Variants in HNRNPUL1 observed in about 807,000 individuals in gnomAD.
The protein encoded by HNRNPUL1 is heterogeneous nuclear ribonucleoprotein U like 1, also known as heterogeneous nuclear ribonucleoprotein U-like protein 1.
A neutral mutation model predicts 108.5 loss-of-function variants in HNRNPUL1; 14 were observed. That is an observed-to-expected ratio of 0.13 (90% CI 0.09 to 0.20). The LOEUF is 0.20. Among genes scored for constraint, HNRNPUL1 ranks in the 10% least tolerant of loss-of-function variants. HNRNPUL1 has a pLI of 1.00. For missense variants in HNRNPUL1, 804 were observed against 1,168.3 expected (o/e 0.69, Z 4.55); for synonymous variants, 422 against 445.2 (o/e 0.95, Z 0.66).
At chr19:41,276,032 G>A (rs937129179) in intron 4 of HNRNPUL1, 127 bp from the exon 5 acceptor site, 86 of 1,140,948 alleles carry the variant, frequency 7.5e-5, no homozygotes, top group Non-Finnish European at 1.0e-4. Context: ...GAACCCGGGA[G>A]GCGGAGGTTG....
chr19:41,284,889 G>A (rs181693441), intron 7 of HNRNPUL1, among the ~76,000 whole-genome samples: 4 of 151,772 alleles, frequency 2.6e-5, no homozygotes, highest in Non-Finnish European at 4.4e-5. Flanking sequence ...CCAGCTACTC[G>A]GGAGGCTGAG....
intron 13 of HNRNPUL1, 40 bp downstream of exon 13, chr19:41,304,301 G>A (rs372299109): frequency 2.9e-5 from 45 of 1,546,522 alleles, no homozygotes; most frequent in African/African-American, 5.5e-5. Flanking sequence ...GTGATCGCAC[G>A]TGTGCTTTTG....
chr19:41,269,429 A>G (rs892907743), intron 2 of HNRNPUL1, among the ~76,000 whole-genome samples: 3 of 140,722 alleles, frequency 2.1e-5, no homozygotes, highest in Non-Finnish European at 4.6e-5. Context: ...GCTGTGAGCT[A>G]TGATTACACT....
In HNRNPUL1 at chr19:41,304,560, C is replaced by G. The variant is rs1205737821; in HGVS notation, c.2262+299C>G. 2.0e-5 allele frequency among the ~76,000 whole-genome samples: 3 copies of G among 152,248 alleles called. No individual in the cohort carries two copies. In the East Asian group the frequency reaches 5.8e-4, roughly 29 times the overall value. Reference sequence around the variant, plus strand: ...TGATCCCTCCAGCAAGTACATTATTCTTGGCTAGTGTCACTAACCTCACTA... The same window carrying G: ...TGATCCCTCCAGCAAGTACATTATTGTTGGCTAGTGTCACTAACCTCACTA... On this transcript the variant is annotated intron_variant, in intron 13 of 14. Transcript: ENST00000392006.
intron 6 of HNRNPUL1, among the ~76,000 whole-genome samples, chr19:41,279,423 C>T (rs1223105306): frequency 2.6e-5 from 4 of 152,132 alleles, no homozygotes; most frequent in African/African-American, 9.7e-5. Context: ...AGGAGAGGGT[C>T]CAAAATTCTC....
At chr19:41,275,380 A>C (rs2035488387) in intron 4 of HNRNPUL1, among the ~76,000 whole-genome samples, 1 of 152,144 alleles carries the variant, frequency 6.6e-6, no homozygotes, top group African/African-American at 2.4e-5. Context: ...CCAGCTGTTC[A>C]GGAGGCTGCG....
intron 7 of HNRNPUL1, among the ~76,000 whole-genome samples, chr19:41,282,066 A>G (rs2035927423): frequency 6.6e-6 from 1 of 152,254 alleles, no homozygotes; most frequent in African/African-American, 2.4e-5. Flanking sequence ...AGATGTTTGT[A>G]AAATGTGCCG....
chr19:41,264,534 C>G lies in HNRNPUL1; in HGVS notation c.31C>G (p.Leu11Val). Residue 11 changes from leucine (L) to valine (V), a missense_variant, in exon 1 of 15, where the codon CTT becomes GTT. Around this residue, in one of 4 missense-constraint regions of HNRNPUL1, gnomAD observed 256 missense variants for 261.6 expected, o/e 0.98. Transcript: ENST00000392006. ...TGTGCGCCGTCTGAAGGTGAACGAA[C>G]TTCGCGAGGAGCTGCAGCGCCGCGG... The part of the protein sequence containing the change: MDVRRLKVNE[L>V]REELQRRGLD... 6.8e-7 allele frequency: 1 copy of G among 1,480,792 alleles called. No individual in the cohort carries two copies. The highest frequency in any genetic ancestry group is 1.3e-5 in the South Asian group (1 of 78,748). 91.7% of individuals were successfully genotyped at this position (1,480,792 alleles called of 1,614,324 possible).
At chr19:41,265,360 G>GT in intron 1 of HNRNPUL1, 23 of 709,236 alleles carry the variant, frequency 3.2e-5, no homozygotes, top group Non-Finnish European at 4.7e-5. Flanking sequence ...GGGTGGGTGG[G>GT]AGAGGTGGAG....
chr19:41,297,556 G>C (rs1443927545), intron 10 of HNRNPUL1, among the ~76,000 whole-genome samples: 1 of 152,168 alleles, frequency 6.6e-6, no homozygotes, highest in Non-Finnish European at 1.5e-5. Context: ...GTCCCAGAGG[G>C]CCTCAAAATG....
chr19:41,305,805 A>AACC lies in HNRNPUL1; in HGVS notation c.2392_2393insACC (p.Thr798delinsAsnPro). On this transcript the variant is annotated protein_altering_variant, in exon 14 of 15. Transcript: ENST00000392006. ...CGGCGGTTACAACCCGGCCCCCTAT[A>AACC]CCCCACCGCCACCCCCCACTGCACA... 1 of 1,607,444 alleles carries AACC rather than the reference A, an allele frequency of 6.2e-7. No individual in the cohort carries two copies. Among genetic ancestry groups the AACC allele is most frequent in the Non-Finnish European group, 8.5e-7 (1 of 1,176,278 alleles).
chr19:41,306,426 G>A, intron 14 of HNRNPUL1, 23 bp from the exon 15 acceptor site: 1 of 1,524,702 alleles, frequency 6.6e-7, no homozygotes, highest in Non-Finnish European at 8.9e-7. Flanking sequence ...GGACAACTTG[G>A]TGTTCTTGGT....
intron 7 of HNRNPUL1, among the ~76,000 whole-genome samples, chr19:41,282,642 T>C (rs944118621): frequency 2.0e-5 from 3 of 152,162 alleles, no homozygotes; most frequent in Non-Finnish European, 4.4e-5. Context: ...TCTTCAACAA[T>C]GTGTTTGAAT....
intron 6 of HNRNPUL1, 149 bp from the exon 7 acceptor site, chr19:41,281,014 C>G (rs936287272): frequency 3.4e-6 from 2 of 594,772 alleles, no homozygotes; most frequent in Non-Finnish European, 6.0e-6. Flanking sequence ...TCCTTTCACC[C>G]TTCCCCACCC....
chr19:41,296,378 C>T (rs1013976367), intron 10 of HNRNPUL1, among the ~76,000 whole-genome samples: 1 of 152,184 alleles, frequency 6.6e-6, no homozygotes, highest in Non-Finnish European at 1.5e-5. Context: ...CTGTGGTCTT[C>T]AGGGCTACCA....
intron 3 of HNRNPUL1, among the ~76,000 whole-genome samples, chr19:41,273,012 T>C (rs1442346337): frequency 6.6e-6 from 1 of 152,216 alleles, no homozygotes. Flanking sequence ...ACTAGCTTGT[T>C]ACTGTCTGAG....
At chr19:41,281,343 A>C (rs898350912) in intron 7 of HNRNPUL1, 68 bp downstream of exon 7, 6 of 1,000,906 alleles carry the variant, frequency 6.0e-6, no homozygotes, top group East Asian at 2.5e-5. Context: ...TTTTCAGGAT[A>C]CCTCTATCCA....
chr19:41,266,012 C>T (rs2034817836), intron 1 of HNRNPUL1, among the ~76,000 whole-genome samples: 1 of 152,074 alleles, frequency 6.6e-6, no homozygotes, highest in Non-Finnish European at 1.5e-5. Flanking sequence ...AGTGGGGGCC[C>T]TCGGGGAGCA....
Position 41,281,167 on chromosome 19 carries a change from A to G in HNRNPUL1, c.891A>G (p.Glu297=). The G allele has an allele frequency of 6.2e-7, 1 of 1,612,972 alleles. No homozygotes were observed. The highest frequency in any genetic ancestry group is 8.5e-7 in the Non-Finnish European group (1 of 1,178,932). Reference sequence around the variant, plus strand: ...TTTGCCTATTTCTTCCGTCAGGCGAAGAGCCTTTCTCCTATGGCTATGGAG... The same window carrying G: ...TTTGCCTATTTCTTCCGTCAGGCGAGGAGCCTTTCTCCTATGGCTATGGAG... The part of the protein sequence containing the change: ...SLDSCSTQLG[E]EPFSYGYGGT... The change falls in exon 7 of 15, where the codon GAA becomes GAG. Residue 297 remains glutamate (E), a synonymous_variant. Coordinates refer to ENST00000392006, the MANE Select transcript of HNRNPUL1 (RefSeq NM_007040.6).
Sources: gnomAD v4.1 joint callset for allele counts (sites outside exome capture counted in the v4.1 genomes callset) on GRCh38, gnomAD v4.1.1 for gene constraint, gnomAD v4.1.1 regional missense constraint, MANE v1.5 for transcripts, NCBI Gene and HGNC (gene_info 2026-07-23, HGNC 2026-07-21) for gene names.